FAAP20: variants seen among roughly 807,000 people sequenced by gnomAD.
The protein encoded by FAAP20 is Fanconi anemia core complex-associated protein 20.
FAAP20 carries 12 observed loss-of-function variants against 16.2 expected under a neutral mutation model. The ratio of observed to expected loss-of-function variants is 0.74; its 90% CI spans 0.48 to 1.20. The LOEUF is 1.20. Ranked by LOEUF, FAAP20 falls within the 50% of genes most tolerant of loss-of-function variation. The probability of loss-of-function intolerance (pLI) is 0.00; values close to 1 mark genes in which losing one functional copy is unlikely to be tolerated. For missense variants in FAAP20, 288 were observed against 245.8 expected, an observed-to-expected ratio of 1.17 and a Z score of -1.15; for synonymous variants, 141 against 110.7, an observed-to-expected ratio of 1.27 and a Z score of -1.72.
At chr1:2,188,409 G>A (rs1687800749), downstream of FAAP20, among the ~76,000 whole-genome samples, 1 of 152,160 alleles carries the variant, frequency 6.6e-6, no homozygotes. Flanking sequence ...CTCAGCTCCC[G>A]CAGCCCTAAC....
intron 3 of FAAP20, chr1:2,192,941 T>C: frequency 2.3e-6 from 3 of 1,304,040 alleles, no homozygotes; most frequent in Non-Finnish European, 3.0e-6. Flanking sequence ...AACTTTGGAC[T>C]CCGGTGCCTT....
upstream of FAAP20, chr1:2,199,712 TA>T: frequency 1.1e-6 from 1 of 870,502 alleles, no homozygotes; most frequent in South Asian, 5.3e-5. This position sits in a 1 kb window ranked among gnomAD's most constrained non-coding sequence, Gnocchi z 4.5. Context: ...TGTGCCGATA[TA>T]ATCAAACCAG....
downstream of FAAP20, among the ~76,000 whole-genome samples, chr1:2,209,962 G>T (rs76650818): frequency 0.036 from 5,539 of 152,270 alleles, 146 homozygotes; most frequent in Non-Finnish European, 0.057. Context: ...CGCTCACGGG[G>T]CCTCTGTCCC....
At chr1:2,205,885 C>T (rs1689240620) in intron 3 of FAAP20, among the ~76,000 whole-genome samples, 1 of 152,280 alleles carries the variant, frequency 6.6e-6, no homozygotes, top group African/African-American at 2.4e-5. Flanking sequence ...TACCCGGGCC[C>T]CGGCCCACCT....
chr1:2,192,290 A>AGTACC lies in FAAP20; in HGVS notation c.470+1344_470+1348dup, dbSNP rs1349718186. On this transcript the variant is annotated intron_variant, in intron 3 of 3. Coordinates refer to ENST00000378546, the MANE Select transcript of FAAP20 (RefSeq NM_182533.4). ...AGCCTCGGGTGAGTTCCGGTTCCAA[A>AGTACC]GTACCGGCTCTCCCTTACGATCAAG... The AGTACC allele has an allele frequency of 6.1e-6, 6 of 986,156 alleles. No homozygotes were observed. In the Admixed American group the frequency reaches 3.7e-4, roughly 60 times the overall value. The allele number at this position is 986,156 out of a possible 1,614,324, so 61.1% of individuals were successfully genotyped here. A position where few individuals can be genotyped will look rare whatever the true frequency, so the allele number is the denominator to read the frequency against.
At chr1:2,201,216 C>T (rs1485605022), upstream of FAAP20, 2 of 1,212,074 alleles carry the variant, frequency 1.7e-6, no homozygotes, top group Non-Finnish European at 1.1e-6. Context: ...CAACGCCTCC[C>T]TCGCTGCCCC....
Position 2,194,000 on chromosome 1 carries a change from G to T in FAAP20, c.196C>A (p.Gln66Lys). The T allele has an allele frequency of 1.3e-5, 21 of 1,612,676 alleles. No individual in the cohort carries two copies. The highest frequency in any genetic ancestry group is 1.8e-5 in the Non-Finnish European group (21 of 1,179,948). Reference sequence around the variant, plus strand: ...TAAGATGGGCCCAGTGGGCACACCTGTCCTGGGAAGGCGGGCAGTGAAGGC... The same window carrying T: ...TAAGATGGGCCCAGTGGGCACACCTTTCCTGGGAAGGCGGGCAGTGAAGGC... The part of the protein sequence containing the change: ...EVPSLPAFPG[Q>K]EPRCGPEPTE... Residue 66 changes from glutamine to lysine, a missense_variant and splice_region_variant, in exon 2 of 4, where the codon CAG (glutamine) becomes AAG (lysine). Transcript: ENST00000378546.
At chr1:2,190,158 G>A (rs1244295654) in intron 3 of FAAP20, 1 of 493,560 alleles carries the variant, frequency 2.0e-6, no homozygotes, top group East Asian at 5.7e-5. Context: ...CTGCCAGGGA[G>A]AGCCGCCGCG....
At chr1:2,187,780 G>T (rs144179083), downstream of FAAP20, among the ~76,000 whole-genome samples, 5 of 152,112 alleles carry the variant, frequency 3.3e-5, no homozygotes, top group African/African-American at 7.2e-5. Flanking sequence ...GTCGCCCCAC[G>T]CCCAGAGTTC....
upstream of FAAP20, chr1:2,198,159 T>C (rs1210892731): frequency 1.6e-6 from 2 of 1,288,858 alleles, no homozygotes; most frequent in African/African-American, 1.5e-5. Context: ...TGGAAAATAA[T>C]TTCTGGTTGG....
chr1:2,197,939 G>A, upstream of FAAP20: 4 of 1,249,466 alleles, frequency 3.2e-6, no homozygotes, highest in Non-Finnish European at 4.2e-6. Context: ...CCAGCCGAGG[G>A]CCTGGAAGGG....
upstream of FAAP20, chr1:2,200,653 C>A: frequency 2.0e-6 from 2 of 986,888 alleles, no homozygotes; most frequent in Non-Finnish European, 2.4e-6. Context: ...TTCACAGCAG[C>A]CCCAGGAGAC....
chr1:2,188,652 T>C (rs1194787544), downstream of FAAP20, among the ~76,000 whole-genome samples: 1 of 152,188 alleles, frequency 6.6e-6, no homozygotes, highest in Non-Finnish European at 1.5e-5. Context: ...CAGCACACGG[T>C]GGCAGGAGCC....
At chr1:2,209,652 G>C (rs1689382980), downstream of FAAP20, among the ~76,000 whole-genome samples, 1 of 151,970 alleles carries the variant, frequency 6.6e-6, no homozygotes, top group Admixed American at 6.6e-5. Flanking sequence ...GAGCCAACAG[G>C]GGGAGGGCAG....
At chr1:2,194,884 T>G, upstream of FAAP20, 1 of 791,842 alleles carries the variant, frequency 1.3e-6, no homozygotes, top group African/African-American at 2.0e-5. Flanking sequence ...CCAGGGGCCC[T>G]GATCCCAGCC....
chr1:2,201,115 T>C, upstream of FAAP20: 1 of 1,287,772 alleles, frequency 7.8e-7, no homozygotes, highest in South Asian at 1.2e-5. Flanking sequence ...TGCAGCCGGC[T>C]GTGAACTGTG....
At chr1:2,191,974 T>C in intron 3 of FAAP20, 1 of 985,478 alleles carries the variant, frequency 1.0e-6, no homozygotes, top group Non-Finnish European at 1.2e-6. Flanking sequence ...TTGACGGTCC[T>C]CTGGGTGACC....
intron 3 of FAAP20, 83 bp downstream of exon 3, chr1:2,193,556 C>A: frequency 6.5e-7 from 1 of 1,544,320 alleles, no homozygotes; most frequent in Non-Finnish European, 8.6e-7. Context: ...GCGCTGAGCT[C>A]GGCCACCTCT....
chr1:2,198,934 T>C (rs1226145564), upstream of FAAP20: 9 of 1,289,538 alleles, frequency 7.0e-6, no homozygotes, highest in East Asian at 5.5e-5. Flanking sequence ...GACAGTTGCC[T>C]GGGAAACATC....
Sources: gnomAD v4.1 joint callset for allele counts (sites outside exome capture counted in the v4.1 genomes callset) on GRCh38, gnomAD v4.1.1 for gene constraint, Gnocchi (gnomAD v3.1) non-coding constraint, MANE v1.5 for transcripts, NCBI Gene and HGNC (gene_info 2026-07-23, HGNC 2026-07-21) for gene names.